Variants in GPC5 observed in about 807,000 individuals in gnomAD.
The protein encoded by GPC5 is glypican-5.
A neutral mutation model predicts 53.9 loss-of-function variants in GPC5; 47 were observed. The observed-to-expected ratio is 0.87, with a 90% confidence interval of 0.69 to 1.11. The LOEUF (loss-of-function observed/expected upper bound fraction) is 1.11, where lower values mean the gene tolerates loss of function less well. Among genes scored for constraint, GPC5 ranks in the 50% most tolerant of loss-of-function variants. The pLI, the probability that GPC5 is intolerant of heterozygous loss-of-function variation, is 0.00. For missense variants in GPC5, 748 were observed against 713.1 expected (o/e 1.05, Z -0.56); for synonymous variants, 286 against 263.3 (o/e 1.09, Z -0.84).
chr13:91,556,257 A>G (rs921679063), intron 2 of GPC5, among the ~76,000 whole-genome samples: 1 of 151,988 alleles, frequency 6.6e-6, no homozygotes, highest in African/African-American at 2.4e-5. Flanking sequence ...TATTTAGTTT[A>G]TTCATTTCTA....
chr13:91,983,603 A>G (rs2040380578), intron 6 of GPC5, among the ~76,000 whole-genome samples: 1 of 152,170 alleles, frequency 6.6e-6, no homozygotes, highest in African/African-American at 2.4e-5. Context: ...AGCTCATTAA[A>G]TAGAATTCTC....
At chr13:91,582,024 G>A (rs1320273010) in intron 2 of GPC5, among the ~76,000 whole-genome samples, 3 of 152,160 alleles carry the variant, frequency 2.0e-5, no homozygotes, top group South Asian at 2.1e-4. Context: ...TTTCTTGCTT[G>A]TGTTTTCAGA....
chr13:91,435,707 A>G (rs1594086557), intron 1 of GPC5, among the ~76,000 whole-genome samples: 1 of 152,078 alleles, frequency 6.6e-6, no homozygotes, highest in Non-Finnish European at 1.5e-5. Context: ...CTCATAAAAT[A>G]AGTTAGGGAG....
intron 7 of GPC5, among the ~76,000 whole-genome samples, chr13:92,441,403 T>C (rs1401895737): frequency 6.6e-6 from 1 of 152,228 alleles, no homozygotes; most frequent in Non-Finnish European, 1.5e-5. Context: ...AGAGTATCTC[T>C]CTTTGCCTAT....
At chr13:92,292,402 T>C (rs1421881759) in intron 7 of GPC5, among the ~76,000 whole-genome samples, 1 of 152,214 alleles carries the variant, frequency 6.6e-6, no homozygotes, top group African/African-American at 2.4e-5. Flanking sequence ...TGTGTTGTGG[T>C]TTTGATTTGC....
chr13:92,798,135 T>C (rs1876766968), intron 7 of GPC5, among the ~76,000 whole-genome samples: 1 of 151,830 alleles, frequency 6.6e-6, no homozygotes, highest in Non-Finnish European at 1.5e-5. Flanking sequence ...GACACAGCAA[T>C]GCTAAGGAGG....
At chr13:92,646,766 A>G (rs1323768069) in intron 7 of GPC5, among the ~76,000 whole-genome samples, 1 of 151,554 alleles carries the variant, frequency 6.6e-6, no homozygotes, top group Non-Finnish European at 1.5e-5. Context: ...TGAATAATTT[A>G]ATGTTTTTGA....
At chr13:92,424,126 T>A (rs1338271012) in intron 7 of GPC5, among the ~76,000 whole-genome samples, 1 of 152,118 alleles carries the variant, frequency 6.6e-6, no homozygotes, top group Non-Finnish European at 1.5e-5. Flanking sequence ...CTAGAAATGA[T>A]CATGCCTTTA....
chr13:92,828,042 G>A (rs1455240967), intron 7 of GPC5, among the ~76,000 whole-genome samples: 1 of 152,090 alleles, frequency 6.6e-6, no homozygotes, highest in East Asian at 1.9e-4. Context: ...GCAAAGCATA[G>A]AGAAAGAAAC....
At chr13:92,066,199 C>T (rs1188366762) in intron 6 of GPC5, among the ~76,000 whole-genome samples, 1 of 151,994 alleles carries the variant, frequency 6.6e-6, no homozygotes, top group Admixed American at 6.6e-5. Flanking sequence ...GGAAAAGTTG[C>T]TCTCCTCATG....
At chr13:91,764,007 T>C (rs946034377) in intron 5 of GPC5, among the ~76,000 whole-genome samples, 3 of 152,236 alleles carry the variant, frequency 2.0e-5, no homozygotes, top group Non-Finnish European at 4.4e-5. Context: ...ATACTGTTTT[T>C]TAAAACTTGG....
intron 1 of GPC5, among the ~76,000 whole-genome samples, chr13:91,437,373 G>C (rs891142838): frequency 1.1e-4 from 16 of 152,100 alleles, no homozygotes; most frequent in African/African-American, 3.9e-4. Flanking sequence ...GCTCTTTTAG[G>C]GCAGGCCTGG....
At chr13:91,777,932 C>A (rs1301326830) in intron 5 of GPC5, among the ~76,000 whole-genome samples, 1 of 152,074 alleles carries the variant, frequency 6.6e-6, no homozygotes, top group Non-Finnish European at 1.5e-5. Flanking sequence ...TGCTTGGCAC[C>A]GCAATAGACT....
At chr13:91,982,917 C>G (rs1025602986) in intron 6 of GPC5, among the ~76,000 whole-genome samples, 8 of 152,082 alleles carry the variant, frequency 5.3e-5, no homozygotes, top group African/African-American at 1.7e-4. Flanking sequence ...ATACTACTAG[C>G]ACAATATGGT....
chr13:92,262,607 G>C (rs1198660480), intron 7 of GPC5, among the ~76,000 whole-genome samples: 1 of 152,084 alleles, frequency 6.6e-6, no homozygotes, highest in South Asian at 2.1e-4. Context: ...CAGAGCAATT[G>C]GTAGCTACCA....
At chr13:91,501,294 T>G (rs1884624313) in intron 2 of GPC5, among the ~76,000 whole-genome samples, 1 of 149,824 alleles carries the variant, frequency 6.7e-6, no homozygotes, top group Admixed American at 6.8e-5. Context: ...GTGCACAACG[T>G]GCAGGTTTGT....
chr13:92,475,554 T>C (rs1384001195), intron 7 of GPC5, among the ~76,000 whole-genome samples: 2 of 151,840 alleles, frequency 1.3e-5, no homozygotes, highest in Non-Finnish European at 2.9e-5. Flanking sequence ...ATTGATTTTG[T>C]ATCCTGAGAC....
chr13:91,705,284 A>T (rs1370969643), intron 3 of GPC5, among the ~76,000 whole-genome samples: 1 of 152,214 alleles, frequency 6.6e-6, no homozygotes, highest in East Asian at 1.9e-4. Context: ...CTAACTCTTT[A>T]GCACCTATCT....
At chr13:92,037,491 T>C (rs1032190814) in intron 6 of GPC5, among the ~76,000 whole-genome samples, 3 of 152,218 alleles carry the variant, frequency 2.0e-5, no homozygotes, top group Non-Finnish European at 4.4e-5. Flanking sequence ...GACCTTGATT[T>C]GTTTTCTTAA....
Sources: allele counts gnomAD v4.1 joint callset (sites outside exome capture counted in the v4.1 genomes callset), GRCh38; gene constraint gnomAD v4.1.1; transcripts MANE v1.5; gene names NCBI Gene and HGNC (gene_info 2026-07-23, HGNC 2026-07-21).